Variants in TGFB2 observed in about 807,000 individuals in gnomAD.
TGFB2 encodes transforming growth factor beta 2, also known as transforming growth factor beta-2 proprotein.
In TGFB2, 13 loss-of-function variants were observed where a neutral mutation model predicts 42.7. The ratio of observed to expected loss-of-function variants is 0.30; its 90% CI spans 0.20 to 0.48. The LOEUF is 0.48. TGFB2 is among the 20% of genes least tolerant of loss of function. The probability of loss-of-function intolerance (pLI) is 0.99; values close to 1 mark genes in which losing one functional copy is unlikely to be tolerated. For synonymous variants in TGFB2, 193 were observed against 193.6 expected (o/e 1.00, Z 0.03); for missense variants, 390 against 517.5 (o/e 0.75, Z 2.39).
chr1:218,426,216 G>A (rs1414496784), intron 2 of TGFB2, among the ~76,000 whole-genome samples: 1 of 152,182 alleles, frequency 6.6e-6, no homozygotes, highest in Non-Finnish European at 1.5e-5. Context: ...AAGTAACATT[G>A]AATTCCCAAT....
chr1:218,345,859 G>C lies in TGFB2; in HGVS notation c.-843G>C, dbSNP rs1430601937. Among the ~76,000 whole-genome samples, 2 of 152,066 alleles carry C rather than the reference G, an allele frequency of 1.3e-5. No homozygotes were observed. The highest frequency in any genetic ancestry group is 2.9e-5 in the Non-Finnish European group (2 of 67,992). ...GCTGGAAGCGTTTGCAAGCGGCGGC[G>C]GCAGCAACGTGGAGTAACCAAGCGG... On this transcript the variant is annotated 5_prime_UTR_variant, in exon 1 of 7. Transcript: ENST00000366930.
chr1:218,405,389 C>A (rs1338851920), intron 2 of TGFB2, 57 bp downstream of exon 2: 1 of 1,595,196 alleles, frequency 6.3e-7, no homozygotes, highest in Non-Finnish European at 8.5e-7. Context: ...GACAGACTCT[C>A]TCTCTCTCTC....
At chr1:218,386,014 C>T (rs1191432594) in intron 1 of TGFB2, among the ~76,000 whole-genome samples, 1 of 152,164 alleles carries the variant, frequency 6.6e-6, no homozygotes, top group Admixed American at 6.5e-5. Flanking sequence ...ATCCTGGCTA[C>T]TCGCAGGGAT....
rs1376794063 is a variant in TGFB2 at position 218,346,078 on chromosome 1, A to ACACACACG, written c.-621_-620insACACGCAC. Among the ~76,000 whole-genome samples, 1 of 151,012 alleles carries ACACACACG rather than the reference A, an allele frequency of 6.6e-6. No individual in the cohort carries two copies. The highest frequency in any genetic ancestry group is 2.4e-5 in the African/African-American group (1 of 41,024). On this transcript the variant is annotated 5_prime_UTR_variant, in exon 1 of 7. Coordinates refer to ENST00000366930, the MANE Select transcript of TGFB2 (RefSeq NM_003238.6). This position sits in a 1 kb window ranked among gnomAD's most constrained non-coding sequence, Gnocchi z 4.9. The stretch of plus-strand genomic sequence containing the variant: ...CACGCACACACACACACACACACAC[A>ACACACACG]CACGCACGCACACACGTGTGCGCTT...
At chr1:218,438,897 A>G (rs1355191162) in intron 6 of TGFB2, among the ~76,000 whole-genome samples, 1 of 152,154 alleles carries the variant, frequency 6.6e-6, no homozygotes, top group Non-Finnish European at 1.5e-5. Context: ...TCACGAGGTC[A>G]GGAGTTCAAG....
At chr1:218,350,797 G>A (rs191022509) in intron 1 of TGFB2, among the ~76,000 whole-genome samples, 29 of 152,300 alleles carry the variant, frequency 1.9e-4, no homozygotes, top group African/African-American at 6.3e-4. Context: ...GTCAGCAGCA[G>A]TGTGATGTTA....
chr1:218,347,180 C>A, intron 1 of TGFB2, 133 bp downstream of exon 1: 1 of 722,134 alleles, frequency 1.4e-6, no homozygotes, highest in Non-Finnish European at 2.3e-6. Context: ...CTGTCCTTCA[C>A]CCCACCACCT....
chr1:218,387,740 G>A (rs1233929696), intron 1 of TGFB2, among the ~76,000 whole-genome samples: 1 of 152,200 alleles, frequency 6.6e-6, no homozygotes, highest in Non-Finnish European at 1.5e-5. Context: ...TACAAGGCCT[G>A]TTCCCACCTG....
At chr1:218,430,758 A>G (rs530518885) in intron 2 of TGFB2, among the ~76,000 whole-genome samples, 1 of 152,244 alleles carries the variant, frequency 6.6e-6, no homozygotes, top group Non-Finnish European at 1.5e-5. Flanking sequence ...TTTTCTAGAT[A>G]GTTCTGAAGC....
intron 1 of TGFB2, among the ~76,000 whole-genome samples, chr1:218,396,346 A>T (rs572498635): frequency 3.3e-5 from 5 of 152,326 alleles, no homozygotes; most frequent in Admixed American, 3.3e-4. Context: ...TGGAGGCTCC[A>T]TCGGTGGAGA....
intron 1 of TGFB2, among the ~76,000 whole-genome samples, chr1:218,381,823 G>T (rs1657971413): frequency 6.6e-6 from 1 of 151,488 alleles, no homozygotes; most frequent in South Asian, 2.1e-4. Flanking sequence ...TACTAGGTGT[G>T]TGTGTAGGGG....
At chr1:218,378,234 T>G (rs1041838043) in intron 1 of TGFB2, among the ~76,000 whole-genome samples, 2 of 152,164 alleles carry the variant, frequency 1.3e-5, no homozygotes, top group Admixed American at 6.5e-5. Context: ...ATGAGTGCAA[T>G]GGTGCGATCT....
At chr1:218,402,307 T>G (rs1339132163) in intron 1 of TGFB2, among the ~76,000 whole-genome samples, 1 of 152,214 alleles carries the variant, frequency 6.6e-6, no homozygotes, top group African/African-American at 2.4e-5. Context: ...TAAATGCTTA[T>G]AAGAGCCAGA....
At position 218,441,732 on chromosome 1, in the gene TGFB2, G is replaced by A. The variant is rs1660160753; in HGVS notation, c.*370G>A. The stretch of plus-strand genomic sequence containing the variant: ...CAGGAAAATCCCATTAAGTGGAGTT[G>A]CTGTACGTACCGTTCCTATCCCGCG... On this transcript the variant is annotated 3_prime_UTR_variant, in exon 7 of 7. Coordinates refer to ENST00000366930, the MANE Select transcript of TGFB2 (RefSeq NM_003238.6). 1 of 185,184 alleles carries A rather than the reference G, an allele frequency of 5.4e-6. No individual in the cohort carries two copies. Among genetic ancestry groups the A allele is most frequent in the Non-Finnish European group, 1.1e-5 (1 of 89,262 alleles). The allele number at this position is 185,184 out of a possible 1,614,324, so 11.5% of individuals were successfully genotyped here.
At chr1:218,378,885 A>G (rs1030323791) in intron 1 of TGFB2, among the ~76,000 whole-genome samples, 1 of 152,074 alleles carries the variant, frequency 6.6e-6, no homozygotes, top group Admixed American at 6.5e-5. Flanking sequence ...GGGTAATGGA[A>G]GAAGAGGTGT....
intron 1 of TGFB2, among the ~76,000 whole-genome samples, chr1:218,368,426 C>T (rs987009907): frequency 6.6e-5 from 10 of 152,186 alleles, no homozygotes; most frequent in Admixed American, 5.2e-4. Context: ...CATGAGCCAC[C>T]GTGCCCGGCC....
intron 2 of TGFB2, among the ~76,000 whole-genome samples, chr1:218,427,325 T>C (rs907908810): frequency 9.9e-5 from 15 of 151,532 alleles, no homozygotes; most frequent in Non-Finnish European, 1.5e-4. Context: ...TTCTTTTTTT[T>C]CTTCTTATTT....
At chr1:218,409,091 C>G (rs1192961114) in intron 2 of TGFB2, among the ~76,000 whole-genome samples, 2 of 152,098 alleles carry the variant, frequency 1.3e-5, no homozygotes, top group Non-Finnish European at 2.9e-5. Context: ...CTAATGCCGC[C>G]GCTAATCTGA....
At chr1:218,393,909 C>CT (rs756984581) in intron 1 of TGFB2, among the ~76,000 whole-genome samples, 375 of 137,096 alleles carry the variant, frequency 2.7e-3, no homozygotes, top group African/African-American at 3.8e-3. Context: ...GCATCGGCCT[C>CT]TTTTTTTTTT....
Sources: gnomAD v4.1 joint callset for allele counts (sites outside exome capture counted in the v4.1 genomes callset) on GRCh38, gnomAD v4.1.1 for gene constraint, Gnocchi (gnomAD v3.1) non-coding constraint, MANE v1.5 for transcripts, NCBI Gene and HGNC (gene_info 2026-07-23, HGNC 2026-07-21) for gene names.